The following DCC variants were observed in gnomAD, a reference collection of about 807,000 sequenced individuals.
The protein encoded by DCC is netrin receptor DCC.
In DCC, 58 loss-of-function variants were observed where a neutral mutation model predicts 172.5. The observed-to-expected ratio is 0.34, with a 90% CI of 0.27 to 0.42. The LOEUF (loss-of-function observed/expected upper bound fraction) is 0.42. DCC is among the 10% of genes least tolerant of loss of function. The probability of loss-of-function intolerance (pLI) is 1.00; values close to 1 mark genes in which losing one functional copy is unlikely to be tolerated. For missense variants in DCC, 1,740 were observed against 1,791.0 expected, an observed-to-expected ratio of 0.97 and a Z score of 0.51; for synonymous variants, 709 against 644.5, an observed-to-expected ratio of 1.10 and a Z score of -1.52.
At chr18:52,413,873 C>T (rs1986925255) in intron 1 of DCC, among the ~76,000 whole-genome samples, 1 of 152,134 alleles carries the variant, frequency 6.6e-6, no homozygotes, top group Non-Finnish European at 1.5e-5. Context: ...GTACAAAGCA[C>T]TGGGTACTTA....
intron 2 of DCC, among the ~76,000 whole-genome samples, chr18:52,859,235 A>T (rs2039097846): frequency 6.6e-6 from 1 of 152,184 alleles, no homozygotes; most frequent in South Asian, 2.1e-4. Flanking sequence ...TGACTTGCTA[A>T]TCCTGTTATC....
intron 5 of DCC, among the ~76,000 whole-genome samples, chr18:52,956,069 C>T (rs187252225): frequency 4.6e-5 from 7 of 151,730 alleles, no homozygotes; most frequent in East Asian, 1.9e-4. Context: ...TTAATTTTAA[C>T]GAAGTCCAAC....
At chr18:52,360,485 C>T (rs1297806233) in intron 1 of DCC, among the ~76,000 whole-genome samples, 1 of 152,194 alleles carries the variant, frequency 6.6e-6, no homozygotes, top group Non-Finnish European at 1.5e-5. Flanking sequence ...ATTAGGCCAA[C>T]AAAGTGCTGT....
At chr18:53,477,776 A>G (rs1479675878) in intron 25 of DCC, among the ~76,000 whole-genome samples, 1 of 152,156 alleles carries the variant, frequency 6.6e-6, no homozygotes, top group South Asian at 2.1e-4. Context: ...ATTATATGGC[A>G]TATGCTACTC....
chr18:52,822,004 C>A (rs1057121366), intron 2 of DCC, among the ~76,000 whole-genome samples: 1 of 152,154 alleles, frequency 6.6e-6, no homozygotes, highest in Non-Finnish European at 1.5e-5. Context: ...AGAGCCAGTA[C>A]AGCCTAAAAT....
intron 2 of DCC, among the ~76,000 whole-genome samples, chr18:52,848,801 T>C (rs982994625): frequency 6.6e-6 from 1 of 152,216 alleles, no homozygotes; most frequent in Non-Finnish European, 1.5e-5. Flanking sequence ...TTAAGTGATT[T>C]TTAGACTTTT....
intron 1 of DCC, among the ~76,000 whole-genome samples, chr18:52,484,725 C>T (rs527856065): frequency 6.6e-6 from 1 of 151,932 alleles, no homozygotes; most frequent in East Asian, 2.0e-4. Flanking sequence ...GAGTGGCTTG[C>T]TGCACCTATC....
chr18:52,351,331 T>C lies in DCC; in HGVS notation c.91+10453T>C, dbSNP rs148292538. 2.2e-3 allele frequency among the ~76,000 whole-genome samples: 336 copies of C among 152,276 alleles called. 3 individuals are homozygous for C. In the Middle Eastern group the frequency reaches 0.031, roughly 14 times the overall value. ...AGTAGCTACTTGTACTTGGTAGATA[T>C]TGACTGAATAAATTCAAATGAGTTC... is the stretch of plus-strand genomic sequence containing the variant. On this transcript the variant is annotated intron_variant, in intron 1 of 28. Coordinates refer to ENST00000442544, the MANE Select transcript of DCC (RefSeq NM_005215.4).
intron 2 of DCC, among the ~76,000 whole-genome samples, chr18:52,761,057 A>G (rs189507469): frequency 7.1e-4 from 108 of 152,336 alleles, no homozygotes; most frequent in African/African-American, 2.5e-3. Flanking sequence ...CCATTTTCAC[A>G]CTGCTGATAA....
intron 7 of DCC, among the ~76,000 whole-genome samples, chr18:53,111,041 C>T (rs2043322523): frequency 7.1e-6 from 1 of 141,576 alleles, no homozygotes; most frequent in Non-Finnish European, 1.5e-5. Flanking sequence ...AAATGTGGCA[C>T]ATATACACCA....
At chr18:53,000,649 G>A (rs1199827287) in intron 5 of DCC, among the ~76,000 whole-genome samples, 2 of 137,424 alleles carry the variant, frequency 1.5e-5, no homozygotes, top group Non-Finnish European at 3.1e-5. Context: ...TCAGGGACAG[G>A]AACTCAGTCA....
At chr18:52,508,638 T>C (rs1186438076) in intron 1 of DCC, among the ~76,000 whole-genome samples, 1 of 152,218 alleles carries the variant, frequency 6.6e-6, no homozygotes, top group Non-Finnish European at 1.5e-5. Flanking sequence ...TGTTCAGATT[T>C]AGAAATGATA....
In DCC at chr18:52,775,989, C is replaced by A. The variant is rs565473707; in HGVS notation, c.412+23615C>A. On this transcript the variant is annotated intron_variant, in intron 2 of 28. Coordinates refer to ENST00000442544, the MANE Select transcript of DCC (RefSeq NM_005215.4). ...ATCACTGTCATCAAGATGTTCCCAGCACAATAGGGAACTTCTTTCTCACTC... is the reference window on the plus strand; with the variant it reads ...ATCACTGTCATCAAGATGTTCCCAGAACAATAGGGAACTTCTTTCTCACTC... Among the ~76,000 whole-genome samples the A allele has an allele frequency of 2.6e-5, 4 of 152,290 alleles. No homozygotes were observed. In the South Asian group the frequency reaches 6.2e-4, roughly 24 times the overall value.
At position 53,047,235 on chromosome 18, in the gene DCC, GATATATATATATATATATATATAT is replaced by G. The variant is rs70944616; in HGVS notation, c.986-16040_986-16017del. Among the ~76,000 whole-genome samples the G allele has an allele frequency of 9.3e-3, 280 of 30,254 alleles. 4 individuals carry two copies. The highest frequency in any genetic ancestry group is 0.053 in the East Asian group (33 of 622). The allele number at this position is 30,254 out of a possible 152,430, so 19.8% of individuals were successfully genotyped here. A position where few individuals can be genotyped will look rare whatever the true frequency, so the allele number is the denominator to read the frequency against. On this transcript the variant is annotated intron_variant, in intron 5 of 28. Coordinates refer to ENST00000442544, the MANE Select transcript of DCC (RefSeq NM_005215.4). ...CCTGGTGAGCCATCCCTGCAGGTAG[GATATATATATATATATATATATAT>G]ATATATATATATATATATATATATA... is the stretch of plus-strand genomic sequence containing the variant.
intron 1 of DCC, among the ~76,000 whole-genome samples, chr18:52,469,892 G>A (rs1988896944): frequency 6.6e-6 from 1 of 152,182 alleles, no homozygotes; most frequent in Admixed American, 6.5e-5. Context: ...GGAGGAAGGA[G>A]AGCATACAGA....
chr18:52,357,066 T>G (rs1326998963), intron 1 of DCC, among the ~76,000 whole-genome samples: 1 of 152,206 alleles, frequency 6.6e-6, no homozygotes, highest in Non-Finnish European at 1.5e-5. Context: ...ATTATAGGCA[T>G]AAGCCACTGC....
chr18:52,850,316 T>G (rs891627599), intron 2 of DCC, among the ~76,000 whole-genome samples: 1 of 152,168 alleles, frequency 6.6e-6, no homozygotes, highest in South Asian at 2.1e-4. Context: ...AGCAGCATAA[T>G]GAGTTCAGCA....
At chr18:53,353,545 G>C (rs1324677852) in intron 15 of DCC, among the ~76,000 whole-genome samples, 1 of 151,820 alleles carries the variant, frequency 6.6e-6, no homozygotes, top group African/African-American at 2.4e-5. Flanking sequence ...TTTACATCTT[G>C]AAGGACTTCT....
chr18:52,945,877 T>C (rs948547964), intron 5 of DCC, among the ~76,000 whole-genome samples: 3 of 152,198 alleles, frequency 2.0e-5, no homozygotes, highest in Non-Finnish European at 4.4e-5. Context: ...AGTTTTGAAT[T>C]AGAAAATTTT....
Sources: gnomAD v4.1 joint callset for allele counts (sites outside exome capture counted in the v4.1 genomes callset) on GRCh38, gnomAD v4.1.1 for gene constraint, MANE v1.5 for transcripts, NCBI Gene and HGNC (gene_info 2026-07-23, HGNC 2026-07-21) for gene names.